The following DGKB variants were observed in gnomAD, a reference collection of about 807,000 sequenced individuals.
DGKB encodes diacylglycerol kinase beta.
Under a neutral mutation model 114.3 loss-of-function variants are expected in DGKB, and 67 were observed. The observed-to-expected ratio is 0.59, with a 90% CI of 0.48 to 0.72. The LOEUF (loss-of-function observed/expected upper bound fraction) is 0.72, where lower values mean the gene tolerates loss of function less well. Ranked by LOEUF, DGKB falls within the 30% of genes least tolerant of loss-of-function variation. DGKB has a pLI of 0.00. For missense variants in DGKB, 907 were observed against 975.2 expected, an observed-to-expected ratio of 0.93 and a Z score of 0.93; for synonymous variants, 398 against 323.1, an observed-to-expected ratio of 1.23 and a Z score of -2.49.
intron 12 of DGKB, among the ~76,000 whole-genome samples, chr7:14,680,030 G>T (rs867451776): frequency 1.3e-5 from 2 of 151,840 alleles, no homozygotes; most frequent in East Asian, 3.9e-4. Flanking sequence ...TGTGTTTTAT[G>T]AACTTAATAC....
intron 5 of DGKB, among the ~76,000 whole-genome samples, chr7:14,729,126 T>C: frequency 7.0e-6 from 1 of 142,174 alleles, no homozygotes; most frequent in Non-Finnish European, 1.5e-5. Flanking sequence ...TTTCTTTCTT[T>C]TTTTTTTTTT....
chr7:14,738,707 T>C (rs984255278), intron 4 of DGKB, among the ~76,000 whole-genome samples: 48 of 152,238 alleles, frequency 3.2e-4, no homozygotes, highest in African/African-American at 1.2e-3. Context: ...TGTTTTCATA[T>C]GCATTTAACA....
At chr7:14,799,966 G>A (rs1841932109) in intron 2 of DGKB, among the ~76,000 whole-genome samples, 1 of 151,902 alleles carries the variant, frequency 6.6e-6, no homozygotes, top group Non-Finnish European at 1.5e-5. Flanking sequence ...GCCCAGGCCA[G>A]AGTGCAGTGG....
At chr7:14,909,563 A>C (rs573524389) in intron 1 of DGKB, among the ~76,000 whole-genome samples, 67 of 152,312 alleles carry the variant, frequency 4.4e-4, no homozygotes, top group Non-Finnish European at 7.1e-4. Context: ...CCAATGTTTA[A>C]AACTGAGGTT....
intron 6 of DGKB, among the ~76,000 whole-genome samples, chr7:14,717,570 G>A (rs1828413598): frequency 6.6e-6 from 1 of 151,976 alleles, no homozygotes; most frequent in South Asian, 2.1e-4. Context: ...TCACATTACA[G>A]TAAATCCTTT....
intron 4 of DGKB, among the ~76,000 whole-genome samples, chr7:14,748,403 G>A (rs1217045565): frequency 1.3e-5 from 2 of 152,184 alleles, no homozygotes; most frequent in Non-Finnish European, 2.9e-5. Flanking sequence ...TTTGAGTAAA[G>A]ATTTAAAGGT....
At chr7:14,257,516 G>C (rs74827264) in intron 23 of DGKB, among the ~76,000 whole-genome samples, 1 of 152,060 alleles carries the variant, frequency 6.6e-6, no homozygotes, top group African/African-American at 2.4e-5. Flanking sequence ...GAGGCACATG[G>C]TGGGAGGTAA....
chr7:14,434,449 A>G (rs1259055253), intron 21 of DGKB, among the ~76,000 whole-genome samples: 1 of 152,134 alleles, frequency 6.6e-6, no homozygotes, highest in African/African-American at 2.4e-5. Context: ...AGAGATGACT[A>G]CAAAAGAGGT....
intron 14 of DGKB, among the ~76,000 whole-genome samples, chr7:14,623,448 T>C (rs976394649): frequency 3.3e-5 from 5 of 152,170 alleles, no homozygotes; most frequent in African/African-American, 1.2e-4. Flanking sequence ...AATACATTTA[T>C]TAAGTATAAT....
chr7:14,282,410 C>A, intron 23 of DGKB, among the ~76,000 whole-genome samples: 3 of 142,536 alleles, frequency 2.1e-5, no homozygotes, highest in African/African-American at 7.9e-5. Context: ...CAGATGGATT[C>A]ACAGCCGAAT....
chr7:14,559,853 T>A (rs1240616298), intron 20 of DGKB, among the ~76,000 whole-genome samples: 2 of 152,056 alleles, frequency 1.3e-5, no homozygotes, highest in Non-Finnish European at 2.9e-5. Context: ...CTTCAAATTA[T>A]TTCTTTTTTC....
intron 12 of DGKB, among the ~76,000 whole-genome samples, chr7:14,680,219 A>C (rs1357863): frequency 6.6e-6 from 1 of 151,114 alleles, no homozygotes; most frequent in African/African-American, 2.4e-5. Context: ...AGATTGATTA[A>C]TTGACTTATT....
At chr7:14,821,269 T>C (rs765727804) in intron 2 of DGKB, among the ~76,000 whole-genome samples, 8 of 152,204 alleles carry the variant, frequency 5.3e-5, no homozygotes, top group Non-Finnish European at 1.0e-4. Flanking sequence ...ATTGAGTGCC[T>C]ATTATATATT....
intron 20 of DGKB, among the ~76,000 whole-genome samples, chr7:14,551,594 A>C (rs751240360): frequency 6.6e-6 from 1 of 152,108 alleles, no homozygotes; most frequent in South Asian, 2.1e-4. Context: ...CATGAGCACT[A>C]TTTTGTGGCT....
chr7:14,817,094 G>C (rs1358118853), intron 2 of DGKB, among the ~76,000 whole-genome samples: 1 of 151,982 alleles, frequency 6.6e-6, no homozygotes. Flanking sequence ...ATTATATAAG[G>C]GCTAATAGTT....
At chr7:14,974,710 T>G (rs1242979221) in exon 1 of DGKB, 1 of 152,132 alleles carries the variant, frequency 6.6e-6, no homozygotes, top group Non-Finnish European at 1.5e-5. Flanking sequence ...AGAGAAACAT[T>G]AACATGAATT....
intron 2 of DGKB, among the ~76,000 whole-genome samples, chr7:14,761,391 G>A (rs940342104): frequency 3.0e-4 from 46 of 152,152 alleles, no homozygotes; most frequent in African/African-American, 9.7e-4. Flanking sequence ...CTACTGCTAT[G>A]TTTTACCTTC....
chr7:14,186,312 T>C (rs1022083069), intron 23 of DGKB, among the ~76,000 whole-genome samples: 6 of 152,154 alleles, frequency 3.9e-5, no homozygotes, highest in African/African-American at 1.4e-4. Flanking sequence ...ACTACACTGC[T>C]ATACCACCTT....
chr7:14,791,469 G>A (rs1454380334), intron 2 of DGKB, among the ~76,000 whole-genome samples: 1 of 152,114 alleles, frequency 6.6e-6, no homozygotes, highest in Non-Finnish European at 1.5e-5. Context: ...TTGAAAAAGG[G>A]ATAATGGACA....
Sources: gnomAD v4.1 joint callset for allele counts (sites outside exome capture counted in the v4.1 genomes callset) on GRCh38, gnomAD v4.1.1 for gene constraint, MANE v1.5 for transcripts, NCBI Gene and HGNC (gene_info 2026-07-23, HGNC 2026-07-21) for gene names.